Variants in PDCD5 observed in about 807,000 individuals in gnomAD.
PDCD5 encodes programmed cell death 5, also known as programmed cell death protein 5.
A neutral mutation model predicts 21.9 loss-of-function variants in PDCD5; 23 were observed. That is an observed-to-expected ratio of 1.05 (90% CI 0.76 to 1.49). The LOEUF (loss-of-function observed/expected upper bound fraction) is 1.49, where lower values mean the gene tolerates loss of function less well. PDCD5 is among the 40% of genes most tolerant of loss of function. The pLI, the probability that PDCD5 is intolerant of heterozygous loss-of-function variation, is 0.00. For synonymous variants in PDCD5, 45 were observed against 49.4 expected (o/e 0.91, Z 0.37); for missense variants, 152 against 147.7 (o/e 1.03, Z -0.15).
intron 1 of PDCD5, chr19:32,581,824 C>T (rs951004574): frequency 4.0e-6 from 1 of 252,904 alleles, no homozygotes; most frequent in South Asian, 6.9e-5. Context: ...CCCGGAGAGG[C>T]GTTTCTGATA....
chr19:32,586,829 G>C, intron 4 of PDCD5, 29 bp from the exon 5 acceptor site: 1 of 1,589,250 alleles, frequency 6.3e-7, no homozygotes, highest in Non-Finnish European at 8.5e-7. Context: ...AAAAAGTACT[G>C]TTTTTCTTAT....
intron 1 of PDCD5, chr19:32,581,592 C>A (rs915939380): frequency 5.9e-6 from 2 of 338,444 alleles, no homozygotes; most frequent in Admixed American, 4.9e-5. Flanking sequence ...GGAGCGGGCT[C>A]GTCCTGGCGG....
intron 4 of PDCD5, 195 bp from the exon 5 acceptor site, chr19:32,586,663 G>T: frequency 7.6e-7 from 1 of 1,308,296 alleles, no homozygotes. Flanking sequence ...TCTCAAGTGA[G>T]GAATAGCAGA....
At chr19:32,581,402 G>C (rs1410750257) in intron 1 of PDCD5, 75 bp downstream of exon 1, 5 of 1,064,580 alleles carry the variant, frequency 4.7e-6, no homozygotes, top group Admixed American at 3.8e-5. Context: ...GCGCGCCTCC[G>C]GGGCGGAGGC....
Position 32,587,346 on chromosome 19 carries a change from CAG to C in PDCD5, c.*48_*49del. Reference sequence around the variant, plus strand: ...AGAACTTAACGGAACAAGTCTAGGACAGAAGTTAAGATCTGATTATTTACTTT... The same window carrying C: ...AGAACTTAACGGAACAAGTCTAGGACAAGTTAAGATCTGATTATTTACTTT... On this transcript the variant is annotated 3_prime_UTR_variant, in exon 6 of 6. Transcript: ENST00000590247. 2 of 1,323,840 alleles carry C rather than the reference CAG, an allele frequency of 1.5e-6. No homozygotes were observed. Among genetic ancestry groups the C allele is most frequent in the East Asian group, 4.6e-5 (2 of 43,310 alleles). 82.0% of individuals were successfully genotyped at this position (1,323,840 alleles called of 1,614,324 possible). A position where few individuals can be genotyped will look rare whatever the true frequency, so the allele number is the denominator to read the frequency against.
At chr19:32,585,254 C>T (rs903921516) in intron 3 of PDCD5, among the ~76,000 whole-genome samples, 1 of 152,154 alleles carries the variant, frequency 6.6e-6, no homozygotes, top group Non-Finnish European at 1.5e-5. Flanking sequence ...TAGGAAACAA[C>T]TCATAGGGCC....
rs1381450949 is a variant in PDCD5 at position 32,586,891 on chromosome 19, AAAGT to A, written c.296_299del (p.Val99AlafsTer10). 5.0e-6 allele frequency: 8 copies of A among 1,612,616 alleles called. No individual in the cohort carries two copies. The highest frequency in any genetic ancestry group is 1.3e-5 in the African/African-American group (1 of 74,846). On this transcript the variant is annotated frameshift_variant, in exon 5 of 6. Transcript: ENST00000590247. LOFTEE classifies it high-confidence loss of function. ...ACAAGGTTTAATAGAAATCCTTAAA[AAAGT>A]AAGCCAACAAACAGAAAAGACAACA... is the stretch of plus-strand genomic sequence containing the variant.
chr19:32,584,966 A>G lies in PDCD5; in HGVS notation c.121A>G (p.Asn41Asp), dbSNP rs1470487930. 3 of 1,613,894 alleles carry G rather than the reference A, an allele frequency of 1.9e-6. No homozygotes were observed. The highest frequency in any genetic ancestry group is 2.2e-5 in the East Asian group (1 of 44,870). Residue 41 changes from asparagine to aspartate, a missense_variant, in exon 3 of 6, where the codon AAC (asparagine) becomes GAC (aspartate). By Grantham distance (23) the Asn-to-Asp change is conservative. Coordinates refer to ENST00000590247, the MANE Select transcript of PDCD5 (RefSeq NM_004708.4). ...EAKHREAEMRNSILAQVLDQS... is the reference protein window; with the variant it reads ...EAKHREAEMRDSILAQVLDQS... ...TCGTTGTAGGGAAGCAGAAATGAGA[A>G]ACAGTATCTTAGCCCAAGTTCTGGA...
At chr19:32,586,643 TC>T (rs34536875) in intron 4 of PDCD5, 2 of 1,278,568 alleles carry the variant, frequency 1.6e-6, no homozygotes, top group Non-Finnish European at 2.0e-6. Flanking sequence ...TATGGATACT[TC>T]CCCCTCCTTC....
rs201192950 is a variant in PDCD5, at chr19:32,585,799, G to A, written c.167-17G>A. Reference sequence around the variant, plus strand: ...TGATTTTAATGGATTTTTTGCATATGTATTTTTTCTTTTTAGTAAGTAACT... The same window carrying A: ...TGATTTTAATGGATTTTTTGCATATATATTTTTTCTTTTTAGTAAGTAACT... On this transcript the variant is annotated splice_polypyrimidine_tract_variant and intron_variant, in intron 3 of 5. Transcript: ENST00000590247. 2.0e-4 allele frequency: 285 copies of A among 1,413,856 alleles called. 1 individual carries two copies. In the East Asian group the frequency reaches 6.4e-3, roughly 32 times the overall value. The allele number at this position is 1,413,856 out of a possible 1,614,324, so 87.6% of individuals were successfully genotyped here.
At position 32,587,135 on chromosome 19, in the gene PDCD5, A is replaced by G. The variant is rs531635121; in HGVS notation, c.331-118A>G. 9 of 879,520 alleles carry G rather than the reference A, an allele frequency of 1.0e-5. No homozygotes were observed. In the East Asian group the frequency reaches 2.2e-4, roughly 22 times the overall value. The allele number at this position is 879,520 out of a possible 1,614,324, so 54.5% of individuals were successfully genotyped here. ...GACTCCATTCCCACCCTTTTAGTTC[A>G]CGCTAAGTTGCTTTAAAGACACAAA... On this transcript the variant is annotated intron_variant, in intron 5 of 5. Coordinates refer to ENST00000590247, the MANE Select transcript of PDCD5 (RefSeq NM_004708.4).
chr19:32,581,436 G>A (rs1971424380), intron 1 of PDCD5, 109 bp downstream of exon 1: 3 of 630,740 alleles, frequency 4.8e-6, no homozygotes, highest in Non-Finnish European at 4.7e-6. Context: ...CCGGGGCCCC[G>A]GTCCCCTGCG....
chr19:32,585,020 C>T lies in PDCD5; in HGVS notation c.166+9C>T, dbSNP rs756713897. 3.8e-4 allele frequency: 615 copies of T among 1,608,078 alleles called. No homozygotes were observed. Among genetic ancestry groups the T allele is most frequent in the Non-Finnish European group, 4.7e-4 (547 of 1,174,578 alleles). On this transcript the variant is annotated intron_variant, in intron 3 of 5. Transcript: ENST00000590247. ...GTCGGCCCGGGCCAGGTGTAAGCATCTTTGATTTCATTTCCATAAAGTTAG... is the reference window on the plus strand; with the variant it reads ...GTCGGCCCGGGCCAGGTGTAAGCATTTTTGATTTCATTTCCATAAAGTTAG...
chr19:32,587,101 T>G, intron 5 of PDCD5, 152 bp from the exon 6 acceptor site: 1 of 791,194 alleles, frequency 1.3e-6, no homozygotes, highest in East Asian at 2.6e-5. Context: ...CTAATTTTTA[T>G]AGGCTCTTGA....
Position 32,585,899 on chromosome 19 carries a change from A to T in PDCD5, c.250A>T (p.Ser84Cys). 2 of 1,612,356 alleles carry T rather than the reference A, an allele frequency of 1.2e-6. No homozygotes were observed. Among genetic ancestry groups the T allele is most frequent in the African/African-American group, 2.7e-5 (2 of 75,012 alleles). Residue 84 changes from serine (S) to cysteine (C), a missense_variant, in exon 4 of 6, where the codon AGT becomes TGT. Transcript: ENST00000590247. ...LIQMARYGQL[S>C]EKVSEQGLIE... Reference sequence around the variant, plus strand: ...ACAGATGGCAAGATATGGACAACTAAGTGAGAAGGTAAGCTTAGACAGCCT... The same window carrying T: ...ACAGATGGCAAGATATGGACAACTATGTGAGAAGGTAAGCTTAGACAGCCT...
chr19:32,587,205 T>A, intron 5 of PDCD5, 48 bp from the exon 6 acceptor site: 1 of 1,365,756 alleles, frequency 7.3e-7, no homozygotes, highest in Non-Finnish European at 1.0e-6. Flanking sequence ...AAAATCTGAG[T>A]TATGCTTTAT....
intron 4 of PDCD5, chr19:32,586,137 C>A: frequency 6.7e-7 from 1 of 1,498,576 alleles, no homozygotes; most frequent in Non-Finnish European, 8.9e-7. Flanking sequence ...TGTCTGTGAC[C>A]CAATGACTGT....
At chr19:32,585,984 T>C in intron 4 of PDCD5, 77 bp downstream of exon 4, 1 of 1,613,204 alleles carries the variant, frequency 6.2e-7, no homozygotes, top group South Asian at 1.1e-5. Flanking sequence ...CAGCTGCATC[T>C]TCACTGGATT....
rs757001107 is a variant in PDCD5 at position 32,581,238 on chromosome 19, C to G, written c.-24C>G. ...CGAGGGGCTGCGAGAGTGACCGCGG[C>G]TGCTCCAGCGCTGACGCCGAGCCAT... On this transcript the variant is annotated 5_prime_UTR_variant, in exon 1 of 6. Transcript: ENST00000590247. The G allele has an allele frequency of 2.0e-6, 3 of 1,480,418 alleles. No homozygotes were observed. Among genetic ancestry groups the G allele is most frequent in the South Asian group, 1.3e-5 (1 of 77,692 alleles). The allele number at this position is 1,480,418 out of a possible 1,614,324, so 91.7% of individuals were successfully genotyped here. A position where few individuals can be genotyped will look rare whatever the true frequency, so the allele number is the denominator to read the frequency against.
Sources: gnomAD v4.1 joint callset for allele counts (sites outside exome capture counted in the v4.1 genomes callset) on GRCh38, gnomAD v4.1.1 for gene constraint, MANE v1.5 for transcripts, NCBI Gene and HGNC (gene_info 2026-07-23, HGNC 2026-07-21) for gene names.